The following PLCG2 variants were observed in gnomAD, a reference collection of about 807,000 sequenced individuals.
PLCG2 encodes 1-phosphatidylinositol 4,5-bisphosphate phosphodiesterase gamma-2.
Under a neutral mutation model 175.6 loss-of-function variants are expected in PLCG2, and 69 were observed. The observed-to-expected ratio is 0.39, with a 90% CI of 0.32 to 0.48. PLCG2 has a LOEUF of 0.48. PLCG2 is among the 20% of genes least tolerant of loss of function. The pLI is 0.91. For synonymous variants in PLCG2, 827 were observed against 624.0 expected, an observed-to-expected ratio of 1.33 and a Z score of -4.85; for missense variants, 1,798 against 1,650.9, an observed-to-expected ratio of 1.09 and a Z score of -1.54.
chr16:81,782,202 A>T (rs1910767501), intron 1 of PLCG2, among the ~76,000 whole-genome samples: 1 of 150,224 alleles, frequency 6.7e-6, no homozygotes, highest in Non-Finnish European at 1.5e-5. Context: ...AAATAAGCTT[A>T]TGAGATACAA....
chr16:81,852,543 AAGG>A (rs1906471662), intron 2 of PLCG2, among the ~76,000 whole-genome samples: 1 of 151,908 alleles, frequency 6.6e-6, no homozygotes, highest in South Asian at 2.1e-4. Context: ...TTGTAGGGGG[AAGG>A]AGGAGTCACC....
chr16:81,901,990 C>T (rs1023024873), intron 14 of PLCG2, among the ~76,000 whole-genome samples: 7 of 152,220 alleles, frequency 4.6e-5, no homozygotes, highest in Non-Finnish European at 1.5e-5. Flanking sequence ...AGGGACTTTG[C>T]TTTGTCCTTG....
chr16:81,889,413 G>GTTTCTTTTCT (rs531962864), intron 10 of PLCG2, 140 bp downstream of exon 10: 46 of 584,358 alleles, frequency 7.9e-5, no homozygotes, highest in Admixed American at 5.8e-4. Context: ...AGCTGGGATT[G>GTTTCTTTTCT]TTTCTTTTCT....
chr16:81,950,468 A>G (rs1597153412), intron 31 of PLCG2, among the ~76,000 whole-genome samples: 4 of 152,224 alleles, frequency 2.6e-5, no homozygotes, highest in Admixed American at 2.6e-4. Flanking sequence ...AAAATCTTTC[A>G]GAATTTGGAA....
At chr16:81,778,039 A>AAC (rs1555505456), upstream of PLCG2, among the ~76,000 whole-genome samples, 2,084 of 80,372 alleles carry the variant, frequency 0.026, 99 homozygotes, top group African/African-American at 0.057. Context: ...AAACAAAAAA[A>AAC]AAACAAAAAA....
chr16:81,847,913 A>G (rs1374895107), intron 2 of PLCG2, among the ~76,000 whole-genome samples: 1 of 152,234 alleles, frequency 6.6e-6, no homozygotes, highest in African/African-American at 2.4e-5. Flanking sequence ...ACCGATCCCC[A>G]ACAGTCACTG....
chr16:81,916,536 T>G (rs917976561), intron 19 of PLCG2, among the ~76,000 whole-genome samples: 3 of 152,170 alleles, frequency 2.0e-5, no homozygotes, highest in Admixed American at 2.0e-4. Context: ...GTATACATGG[T>G]GAAATGGCTA....
chr16:81,797,922 C>A (rs1911546709), intron 2 of PLCG2, among the ~76,000 whole-genome samples: 1 of 152,012 alleles, frequency 6.6e-6, no homozygotes, highest in African/African-American at 2.4e-5. Context: ...CCTCTGCCTC[C>A]CGGGTTCAAG....
chr16:81,877,973 ATTTTTTTTTTTTT>A lies in PLCG2; in HGVS notation c.649-2923_649-2911del, dbSNP rs71146052. 4.7e-4 allele frequency among the ~76,000 whole-genome samples: 26 copies of A among 55,758 alleles called. 1 individual carries two copies. Among genetic ancestry groups the A allele is most frequent in the East Asian group, 1.2e-3 (2 of 1,634 alleles). The allele number at this position is 55,758 out of a possible 152,430, so 36.6% of individuals were successfully genotyped here. The stretch of plus-strand genomic sequence containing the variant: ...TCCAAATCTCCCTCTTTTTTTTTTA[ATTTTTTTTTTTTT>A]TTTTTTTTTTTTTGAGAGGGAGTCT... On this transcript the variant is annotated intron_variant, in intron 7 of 32. Coordinates refer to ENST00000564138, the MANE Select transcript of PLCG2 (RefSeq NM_002661.5).
intron 2 of PLCG2, among the ~76,000 whole-genome samples, chr16:81,807,323 A>G (rs1904285778): frequency 6.6e-6 from 1 of 152,136 alleles, no homozygotes; most frequent in Non-Finnish European, 1.5e-5. Context: ...GGCAGTGTGC[A>G]TCTCTGCGAG....
chr16:81,958,111 C>G lies in PLCG2; in HGVS notation c.*113C>G, dbSNP rs1011387176. The G allele has an allele frequency of 1.3e-6, 1 of 757,914 alleles. No homozygotes were observed. Among genetic ancestry groups the G allele is most frequent in the Non-Finnish European group, 2.4e-6 (1 of 425,102 alleles). 46.9% of individuals were successfully genotyped at this position (757,914 alleles called of 1,614,324 possible). A position where few individuals can be genotyped will look rare whatever the true frequency, so the allele number is the denominator to read the frequency against. ...ACGCTAATCTGTGACATCTTTTCTTCAAGCCTGCCATCAAGGACATTTCTT... is the reference window on the plus strand; with the variant it reads ...ACGCTAATCTGTGACATCTTTTCTTGAAGCCTGCCATCAAGGACATTTCTT... On this transcript the variant is annotated 3_prime_UTR_variant, in exon 33 of 33. Transcript: ENST00000564138.
At position 81,765,048 on chromosome 16, in the gene PLCG2, A is replaced by T. The variant is rs192375645; in HGVS notation, c.-48+9082A>T. Among the ~76,000 whole-genome samples the T allele has an allele frequency of 4.1e-5, 6 of 145,926 alleles. No individual in the cohort carries two copies. In the East Asian group the frequency reaches 1.2e-3, roughly 29 times the overall value. ...GGCCGCAGTGAACCGTGATCACCCC[A>T]TTGCACTCCAGCCTGGGTGACAGAG... is the stretch of plus-strand genomic sequence containing the variant. On this transcript the variant is annotated intron_variant, in intron 2 of 5. Transcript: ENST00000565054.
chr16:81,957,780 C>T (rs150059912), intron 32 of PLCG2, among the ~76,000 whole-genome samples, 176 bp from the exon 33 acceptor site: 3 of 152,218 alleles, frequency 2.0e-5, no homozygotes, highest in African/African-American at 2.4e-5. Context: ...GGAGATTTAA[C>T]CTCTCTGAGT....
rs1464690637 is a variant in PLCG2, at chr16:81,752,182, C to A, written c.-144-3688C>A. Among the ~76,000 whole-genome samples, 4 of 152,238 alleles carry A rather than the reference C, an allele frequency of 2.6e-5. No individual in the cohort carries two copies. In the East Asian group the frequency reaches 5.8e-4, roughly 22 times the overall value. On this transcript the variant is annotated intron_variant, in intron 1 of 5. Coordinates refer to the PLCG2 transcript ENST00000565054. ...GCTGAGCTGGGAGCTCCCACTGTTCCCCAACACTGCGTCTCAGAGTTCCCT... is the reference window on the plus strand; with the variant it reads ...GCTGAGCTGGGAGCTCCCACTGTTCACCAACACTGCGTCTCAGAGTTCCCT...
intron 8 of PLCG2, among the ~76,000 whole-genome samples, chr16:81,882,775 CCCCACCTCGTTCTGGCTCAT>C (rs1567514806): frequency 2.6e-5 from 4 of 152,058 alleles, no homozygotes; most frequent in African/African-American, 9.7e-5. Context: ...TTCTGGCTCA[CCCCACCTCGTTCTGGCTCAT>C]CCCACCTCAC....
intron 11 of PLCG2, among the ~76,000 whole-genome samples, chr16:81,893,050 A>G (rs1908712997): frequency 6.6e-6 from 1 of 152,104 alleles, no homozygotes; most frequent in Non-Finnish European, 1.5e-5. Flanking sequence ...TAGTAGAGAC[A>G]GAATTTCACT....
chr16:81,907,551 C>A, intron 15 of PLCG2, 134 bp from the exon 16 acceptor site: 1 of 540,554 alleles, frequency 1.8e-6, no homozygotes, highest in Non-Finnish European at 3.4e-6. Flanking sequence ...TCAGAGAATT[C>A]GCCATAAATG....
intron 3 of PLCG2, among the ~76,000 whole-genome samples, chr16:81,857,417 G>A (rs1007527691): frequency 1.3e-5 from 2 of 152,186 alleles, no homozygotes; most frequent in African/African-American, 4.8e-5. Context: ...CTGTCTCAGT[G>A]TGCTCTGGCT....
intron 21 of PLCG2, 24 bp downstream of exon 21, chr16:81,921,293 A>C: frequency 1.3e-6 from 2 of 1,527,316 alleles, no homozygotes; most frequent in South Asian, 1.1e-5. Context: ...CCTCCAATTC[A>C]CATGATTTTG....
Sources: gnomAD v4.1 joint callset for allele counts (sites outside exome capture counted in the v4.1 genomes callset) on GRCh38, gnomAD v4.1.1 for gene constraint, MANE v1.5 for transcripts, NCBI Gene and HGNC (gene_info 2026-07-23, HGNC 2026-07-21) for gene names.